The following NOD2 variants were observed in gnomAD, a reference collection of about 807,000 sequenced individuals.
NOD2 encodes nucleotide-binding oligomerization domain-containing protein 2.
In NOD2, 86 loss-of-function variants were observed where a neutral mutation model predicts 90.9. That is an observed-to-expected ratio of 0.95 (90% confidence interval 0.79 to 1.13). The LOEUF (loss-of-function observed/expected upper bound fraction) is 1.13, where lower values mean the gene tolerates loss of function less well. Among genes scored for constraint, NOD2 ranks in the 50% most tolerant of loss-of-function variants. The pLI is 0.00. For synonymous variants in NOD2, 581 were observed against 554.6 expected, an observed-to-expected ratio of 1.05 and a Z score of -0.67; for missense variants, 1,238 against 1,283.8, an observed-to-expected ratio of 0.96 and a Z score of 0.55.
At chr16:50,723,903 T>C (rs1965176493) in intron 9 of NOD2, among the ~76,000 whole-genome samples, 2 of 152,330 alleles carry the variant, frequency 1.3e-5, no homozygotes, top group East Asian at 1.9e-4. Context: ...CTGCTGCTGC[T>C]ACAACTACTA....
chr16:50,721,374 T>TTTG (rs1965051890), intron 7 of NOD2, among the ~76,000 whole-genome samples: 1 of 150,778 alleles, frequency 6.6e-6, no homozygotes, highest in African/African-American at 2.5e-5. Flanking sequence ...TGGTTTTTTT[T>TTTG]TTTGTTTGTT....
intron 4 of NOD2, among the ~76,000 whole-genome samples, chr16:50,715,927 A>AG (rs1964772065): frequency 6.6e-6 from 1 of 152,100 alleles, no homozygotes; most frequent in South Asian, 2.1e-4. Flanking sequence ...TGCCAGCTCC[A>AG]GGGTATGGGC....
At chr16:50,698,554 C>T (rs946663273) in intron 1 of NOD2, among the ~76,000 whole-genome samples, 5 of 152,192 alleles carry the variant, frequency 3.3e-5, no homozygotes, top group Non-Finnish European at 5.9e-5. Context: ...GGGCTTGGGG[C>T]CCCCGTGGGG....
At position 50,720,015 on chromosome 16, in the gene NOD2, T is replaced by C. The variant is rs1596893364; in HGVS notation, c.2633+7T>C. 2.5e-6 allele frequency: 4 copies of C among 1,613,440 alleles called. No individual in the cohort carries two copies. The highest frequency in any genetic ancestry group is 3.4e-6 in the Non-Finnish European group (4 of 1,179,386). On this transcript the variant is annotated splice_region_variant and intron_variant, in intron 7 of 11. Coordinates refer to ENST00000647318, the MANE Select transcript of NOD2 (RefSeq NM_001370466.1). ...CCTCCTTGCAGTTCCTGGGGTAGGT[T>C]GGATTCCAGGAAGAGGGACCTGCAT... is the stretch of plus-strand genomic sequence containing the variant.
At chr16:50,695,584 G>A (rs1433232339) in intron 1 of NOD2, among the ~76,000 whole-genome samples, 1 of 152,150 alleles carries the variant, frequency 6.6e-6, no homozygotes, top group African/African-American at 2.4e-5. Context: ...CACAAGAGCA[G>A]GTGGGCTCAT....
intron 7 of NOD2, among the ~76,000 whole-genome samples, chr16:50,720,803 TG>T (rs1225121617): frequency 6.6e-5 from 10 of 150,392 alleles, no homozygotes; most frequent in African/African-American, 2.2e-4. Context: ...CTCAGTTTTT[TG>T]TTTTGTTTTG....
intron 6 of NOD2, among the ~76,000 whole-genome samples, chr16:50,718,410 G>T (rs1046294228): frequency 6.6e-6 from 1 of 152,240 alleles, no homozygotes; most frequent in African/African-American, 2.4e-5. Context: ...GGGTGGGATG[G>T]AGCTGGATGG....
At chr16:50,713,171 T>C (rs906334437) in intron 4 of NOD2, 1 of 152,322 alleles carries the variant, frequency 6.6e-6, no homozygotes, top group African/African-American at 2.4e-5. Flanking sequence ...CCAACATCCT[T>C]CCAGCTTGAA....
intron 1 of NOD2, chr16:50,698,145 T>G (rs1963746680): frequency 6.6e-6 from 1 of 152,436 alleles, no homozygotes; most frequent in Non-Finnish European, 1.5e-5. Context: ...GCCTACACCC[T>G]TTCACTTTCG....
At chr16:50,717,615 C>A (rs974331520) in intron 6 of NOD2, among the ~76,000 whole-genome samples, 4 of 152,224 alleles carry the variant, frequency 2.6e-5, no homozygotes, top group African/African-American at 4.8e-5. Flanking sequence ...TCCATCTATT[C>A]TTTTACCTCT....
chr16:50,727,962 T>G (rs72796366), intron 10 of NOD2: 29 of 269,560 alleles, frequency 1.1e-4, no homozygotes, highest in Non-Finnish European at 1.6e-4. Flanking sequence ...ACCACTGAGC[T>G]AGTCATTGCC....
chr16:50,710,862 T>A lies in NOD2; in HGVS notation c.870T>A (p.Ala290=). The part of the protein sequence containing the change: ...TLLQRLHLLW[A]AGQDFQEFLF... ...TGCAGCGGCTGCACTTGCTGTGGGC[T>A]GCAGGGCAAGACTTCCAGGAATTTC... Residue 290 remains alanine (A), a synonymous_variant, in exon 4 of 12, where the codon GCT becomes GCA. Transcript: ENST00000647318. 3 of 1,614,126 alleles carry A rather than the reference T, an allele frequency of 1.9e-6. No homozygotes were observed. The highest frequency in any genetic ancestry group is 2.5e-6 in the Non-Finnish European group (3 of 1,180,038).
intron 11 of NOD2, 46 bp from the exon 12 acceptor site, chr16:50,731,701 C>T (rs1205475291): frequency 1.5e-6 from 2 of 1,336,704 alleles, no homozygotes; most frequent in South Asian, 1.2e-5. Context: ...AAGCCCTGCT[C>T]TAATTTTGTC....
intron 2 of NOD2, among the ~76,000 whole-genome samples, chr16:50,706,528 G>A (rs1310501481): frequency 6.6e-6 from 1 of 152,046 alleles, no homozygotes; most frequent in Non-Finnish European, 1.5e-5. Context: ...TGGTATAGAG[G>A]AGGTGACAAG....
intron 3 of NOD2, chr16:50,710,041 C>A (rs1161478220): frequency 2.2e-6 from 1 of 455,986 alleles, no homozygotes; most frequent in Non-Finnish European, 4.4e-6. Context: ...AGAGACTGGG[C>A]TCCTGAGCCC....
intron 1 of NOD2, among the ~76,000 whole-genome samples, chr16:50,698,816 G>A (rs1963785193): frequency 1.3e-5 from 2 of 152,048 alleles, no homozygotes; most frequent in South Asian, 2.1e-4. Flanking sequence ...AATATTAGCC[G>A]TTACTGAAAC....
At chr16:50,693,913 C>T (rs1217957499) in intron 1 of NOD2, among the ~76,000 whole-genome samples, 1 of 152,020 alleles carries the variant, frequency 6.6e-6, no homozygotes, top group Non-Finnish European at 1.5e-5. Context: ...GACTCAGTTT[C>T]CCCAGCTTCA....
In NOD2 at chr16:50,699,606, G is replaced by C; in HGVS notation, c.111G>C (p.Glu37Asp). 1 of 1,614,108 alleles carries C rather than the reference G, an allele frequency of 6.2e-7. No individual in the cohort carries two copies. Among genetic ancestry groups the C allele is most frequent in the Non-Finnish European group, 8.5e-7 (1 of 1,180,008 alleles). ...ESVLDWLLSW[E>D]VLSWEDYEGF... The stretch of plus-strand genomic sequence containing the variant: ...TCCTGGACTGGCTGCTGTCCTGGGA[G>C]GTCCTCTCCTGGGAGGACTACGAGG... Residue 37 changes from glutamate (E) to aspartate (D), a missense_variant, in exon 2 of 12, where the codon GAG becomes GAC. Glu to Asp is a conservative substitution (Grantham distance 45, BLOSUM62 2). Around this residue, in one of 3 missense-constraint regions of NOD2, gnomAD observed 567 missense variants for 577.3 expected, o/e 0.98. Coordinates refer to ENST00000647318, the MANE Select transcript of NOD2 (RefSeq NM_001370466.1).
Position 50,716,989 on chromosome 16 carries a change from T to G in NOD2, c.2549+15T>G. 2 of 1,613,592 alleles carry G rather than the reference T, an allele frequency of 1.2e-6. No homozygotes were observed. The highest frequency in any genetic ancestry group is 1.7e-6 in the Non-Finnish European group (2 of 1,179,416). The stretch of plus-strand genomic sequence containing the variant: ...TTGGCATTGAGGTGAGCCCAGGTTT[T>G]CCTTATTCCCTGGAAACTATTTTTT... On this transcript the variant is annotated intron_variant, in intron 6 of 11. Transcript: ENST00000647318.
Sources: allele counts gnomAD v4.1 joint callset (sites outside exome capture counted in the v4.1 genomes callset), GRCh38; gene constraint gnomAD v4.1.1; regional missense constraint gnomAD v4.1.1; transcripts MANE v1.5; gene names NCBI Gene and HGNC (gene_info 2026-07-23, HGNC 2026-07-21).